The following FAM153A variants were observed in gnomAD, a reference collection of about 807,000 sequenced individuals.
FAM153A encodes the protein protein FAM153A.
Under a neutral mutation model 48.1 loss-of-function variants are expected in FAM153A, and 12 were observed. The observed-to-expected ratio is 0.25, with a 90% CI of 0.16 to 0.40. The LOEUF (loss-of-function observed/expected upper bound fraction) is 0.40. FAM153A is among the 10% of genes least tolerant of loss of function. The pLI is 1.00. For missense variants in FAM153A, 111 were observed against 345.8 expected, an observed-to-expected ratio of 0.32 and a Z score of 5.38; for synonymous variants, 36 against 118.2, an observed-to-expected ratio of 0.30 and a Z score of 4.51.
the FAM153A span, among the ~76,000 whole-genome samples, chr5:177,702,691 C>A: frequency 6.6e-6 from 1 of 151,848 alleles, no homozygotes; most frequent in African/African-American, 2.4e-5. Flanking sequence ...TCCTGTGCAG[C>A]CTCGGGACAC....
upstream of FAM153A, among the ~76,000 whole-genome samples, chr5:177,754,125 G>T (rs940240531): frequency 6.6e-6 from 1 of 151,726 alleles, no homozygotes; most frequent in African/African-American, 2.4e-5. Context: ...GGAAAATCAG[G>T]TCACTCCCAC....
At chr5:177,764,366 T>C (rs1383378818) in intron 1 of FAM153A, among the ~76,000 whole-genome samples, 1 of 151,594 alleles carries the variant, frequency 6.6e-6, no homozygotes, top group Non-Finnish European at 1.5e-5. Context: ...TATTAACGCC[T>C]GGGCTGGGCC....
chr5:177,699,761 G>A, the FAM153A span, among the ~76,000 whole-genome samples: 1 of 151,970 alleles, frequency 6.6e-6, no homozygotes, highest in African/African-American at 2.4e-5. Context: ...CTTGACTGGT[G>A]AATTCTACCA....
chr5:177,696,133 C>T, the FAM153A span, among the ~76,000 whole-genome samples: 2 of 136,322 alleles, frequency 1.5e-5, 1 homozygote, highest in African/African-American at 5.7e-5. Context: ...AGGCGCTCCT[C>T]ACTTCCCAGA....
intron 6 of FAM153A, among the ~76,000 whole-genome samples, chr5:177,743,209 T>G (rs550542714): frequency 1.5e-4 from 6 of 41,134 alleles, no homozygotes; most frequent in Admixed American, 4.2e-4. Flanking sequence ...TTGTTTTGTT[T>G]TTTTTTTTTT....
At chr5:177,755,085 G>C (rs1479745636), upstream of FAM153A, among the ~76,000 whole-genome samples, 6 of 151,662 alleles carry the variant, frequency 4.0e-5, no homozygotes, top group African/African-American at 1.5e-4. Flanking sequence ...TAAAAACCTT[G>C]AAAAAAGATT....
At chr5:177,708,670 T>C (rs962297904), downstream of FAM153A, among the ~76,000 whole-genome samples, 5 of 152,068 alleles carry the variant, frequency 3.3e-5, no homozygotes, top group African/African-American at 1.2e-4. Flanking sequence ...ATTTTATGTA[T>C]GTTTATCATA....
chr5:177,717,543 C>T (rs1021879361), downstream of FAM153A, among the ~76,000 whole-genome samples: 3 of 151,060 alleles, frequency 2.0e-5, no homozygotes, highest in African/African-American at 5.0e-5. Context: ...TTTGATGTCT[C>T]ATCCCACAGA....
intron 1 of FAM153A, among the ~76,000 whole-genome samples, chr5:177,759,856 T>C (rs1768137962): frequency 1.3e-5 from 2 of 151,732 alleles, no homozygotes; most frequent in East Asian, 1.9e-4. Flanking sequence ...TAATGTTAAA[T>C]GACAAGTTAA....
the FAM153A span, among the ~76,000 whole-genome samples, chr5:177,696,378 C>T: frequency 2.7e-5 from 4 of 150,756 alleles, no homozygotes; most frequent in African/African-American, 9.8e-5. Context: ...CCAGGTGGGG[C>T]GGCTGGGCAG....
upstream of FAM153A, among the ~76,000 whole-genome samples, chr5:177,781,138 A>T (rs1769604220): frequency 2.0e-5 from 2 of 100,544 alleles, no homozygotes; most frequent in Non-Finnish European, 3.9e-5. Context: ...GCGGTGGCTC[A>T]CACCTGTAAT....
downstream of FAM153A, among the ~76,000 whole-genome samples, chr5:177,710,154 C>T (rs1162071817): frequency 3.3e-5 from 5 of 150,812 alleles, no homozygotes; most frequent in African/African-American, 1.2e-4. Context: ...CACCTGTAGC[C>T]CAGGCTGGAG....
At chr5:177,695,413 G>A in the FAM153A span, among the ~76,000 whole-genome samples, 4 of 149,646 alleles carry the variant, frequency 2.7e-5, no homozygotes, top group South Asian at 2.1e-4. Flanking sequence ...GTGGCCTTCC[G>A]CAGTGTTTGT....
At chr5:177,739,439 T>C in intron 9 of FAM153A, 161 bp downstream of exon 11, 2 of 510,470 alleles carry the variant, frequency 3.9e-6, no homozygotes, top group Non-Finnish European at 6.9e-6. Flanking sequence ...AATCAGTTCT[T>C]AGTTAGTAAT....
At chr5:177,733,387 G>C (rs1312648580) in intron 14 of FAM153A, among the ~76,000 whole-genome samples, 1 of 144,136 alleles carries the variant, frequency 6.9e-6, no homozygotes, top group African/African-American at 2.6e-5. Flanking sequence ...CAAACCCCTT[G>C]GTTTTCTTTT....
intron 13 of FAM153A, 121 bp from the exon 16 acceptor site, chr5:177,734,525 C>A (rs1764375575): frequency 1.8e-6 from 1 of 566,304 alleles, no homozygotes; most frequent in East Asian, 4.1e-5. Flanking sequence ...TTCAAAGGAA[C>A]CCCAAAGAAG....
At chr5:177,754,366 AG>A (rs1290397257), upstream of FAM153A, among the ~76,000 whole-genome samples, 3 of 151,476 alleles carry the variant, frequency 2.0e-5, no homozygotes, top group Non-Finnish European at 4.4e-5. Context: ...AGCCCACCGC[AG>A]CTCAAGGAGG....
At chr5:177,764,273 G>A (rs566060814) in intron 1 of FAM153A, among the ~76,000 whole-genome samples, 20 of 151,370 alleles carry the variant, frequency 1.3e-4, no homozygotes, top group African/African-American at 4.9e-4. Flanking sequence ...AGCTGGCTGG[G>A]CCCAAGACGA....
At chr5:177,761,066 G>T (rs1768267055) in intron 1 of FAM153A, among the ~76,000 whole-genome samples, 1 of 151,484 alleles carries the variant, frequency 6.6e-6, no homozygotes, top group African/African-American at 2.4e-5. Context: ...CACAGCAGGA[G>T]GTTGGAATCA....
Sources: allele counts gnomAD v4.1 joint callset (sites outside exome capture counted in the v4.1 genomes callset), GRCh38; gene constraint gnomAD v4.1.1; transcripts MANE v1.5; gene names NCBI Gene and HGNC (gene_info 2026-07-23, HGNC 2026-07-21).